Variants in ASPH observed in about 807,000 individuals in gnomAD.
ASPH encodes aspartyl/asparaginyl beta-hydroxylase.
A neutral mutation model predicts 118.4 loss-of-function variants in ASPH; 100 were observed. That is an observed-to-expected ratio of 0.84 (90% CI 0.72 to 1.00). The LOEUF (loss-of-function observed/expected upper bound fraction) is 1.00, where lower values mean the gene tolerates loss of function less well. Ranked by LOEUF, ASPH falls within the 50% of genes least tolerant of loss-of-function variation. The probability of loss-of-function intolerance (pLI) is 0.00; values close to 1 mark genes in which losing one functional copy is unlikely to be tolerated. For missense variants in ASPH, 920 were observed against 919.5 expected (o/e 1.00, Z -0.01); for synonymous variants, 315 against 325.6 (o/e 0.97, Z 0.35).
chr8:61,597,337 C>G (rs752075279), intron 14 of ASPH, among the ~76,000 whole-genome samples: 15 of 151,906 alleles, frequency 9.9e-5, no homozygotes, highest in Non-Finnish European at 1.9e-4. Flanking sequence ...GGCAACATGG[C>G]AAGACCCTGT....
At chr8:61,561,099 A>AGG (rs1829740349) in intron 18 of ASPH, among the ~76,000 whole-genome samples, 1 of 9,308 alleles carries the variant, frequency 1.1e-4, no homozygotes, top group Non-Finnish European at 3.1e-4. Context: ...AGGGAGGGAG[A>AGG]GAGGGAGGGA....
At chr8:61,631,806 G>C (rs1237831991) in intron 13 of ASPH, 1 of 152,222 alleles carries the variant, frequency 6.6e-6, no homozygotes, top group African/African-American at 2.4e-5. Context: ...GGTTCCAGCA[G>C]GGGTGCTACT....
At chr8:61,668,536 T>C (rs1820833125) in intron 3 of ASPH, among the ~76,000 whole-genome samples, 1 of 152,224 alleles carries the variant, frequency 6.6e-6, no homozygotes. Context: ...TAAGAATTGT[T>C]GGCATTAGAA....
At position 61,523,812 on chromosome 8, in the gene ASPH, G is replaced by GTATAAGCTTATACAGGTATA. The variant is rs1471181828; in HGVS notation, c.1900+2164_1900+2165insTATACCTGTATAAGCTTATA. 2.0e-3 allele frequency among the ~76,000 whole-genome samples: 312 copies of GTATAAGCTTATACAGGTATA among 152,312 alleles called. 1 individual carries two copies. Among genetic ancestry groups the GTATAAGCTTATACAGGTATA allele is most frequent in the African/African-American group, 6.7e-3 (280 of 41,570 alleles). ...TCAGTTTTAAAATTTGAAGCAGGCTGAGTGGAGTGGCTTATACCTGTAATC... is the reference window on the plus strand; with the variant it reads ...TCAGTTTTAAAATTTGAAGCAGGCTGTATAAGCTTATACAGGTATAAGTGGAGTGGCTTATACCTGTAATC... On this transcript the variant is annotated intron_variant, in intron 22 of 24. Transcript: ENST00000379454.
At chr8:61,552,704 A>G (rs1182465648) in intron 20 of ASPH, among the ~76,000 whole-genome samples, 3 of 152,168 alleles carry the variant, frequency 2.0e-5, no homozygotes, top group East Asian at 1.9e-4. Flanking sequence ...GGCAATTTCT[A>G]TCTCTCTGTA....
At chr8:61,507,904 A>G (rs1807263745) in intron 24 of ASPH, among the ~76,000 whole-genome samples, 1 of 152,172 alleles carries the variant, frequency 6.6e-6, no homozygotes, top group South Asian at 2.1e-4. Context: ...AGCCTTGTCT[A>G]AGGACCCAGA....
chr8:61,685,036 TG>T (rs1829881435), intron 1 of ASPH, among the ~76,000 whole-genome samples: 1 of 152,142 alleles, frequency 6.6e-6, no homozygotes, highest in Admixed American at 6.5e-5. Context: ...ATCAAACAGA[TG>T]ATGGAAGGCC....
At chr8:61,711,059 T>G (rs1289059755) in intron 1 of ASPH, among the ~76,000 whole-genome samples, 1 of 142,280 alleles carries the variant, frequency 7.0e-6, no homozygotes, top group African/African-American at 2.7e-5. Flanking sequence ...ATCAATAGTT[T>G]TGAGTATATA....
chr8:61,616,680 CTT>C (rs1002177590), intron 14 of ASPH, among the ~76,000 whole-genome samples: 4 of 152,196 alleles, frequency 2.6e-5, no homozygotes, highest in Admixed American at 1.3e-4. Flanking sequence ...GCCCTTCTCT[CTT>C]GTCTCAGGAC....
In ASPH at chr8:61,636,980, A is replaced by G. The variant is rs139402782; in HGVS notation, c.889+967T>C. On this transcript the variant is annotated intron_variant, in intron 12 of 24. Transcript: ENST00000379454. ...AGCAGCTAAGCGGACACAGACAGCA[A>G]TTTTAGCCTCCCCGATTCCCTTATA... Among the ~76,000 whole-genome samples the G allele has an allele frequency of 1.6e-3, 240 of 152,224 alleles. 5 individuals are homozygous for G. The East Asian group carries it at 0.045, about 29-fold the overall frequency.
rs770870454 is a variant in ASPH, at chr8:61,618,977, C to A, written c.976+1G>T. On this transcript the variant is annotated splice_donor_variant, in intron 14 of 24. Coordinates refer to ENST00000379454, the MANE Select transcript of ASPH (RefSeq NM_004318.4). LOFTEE classifies it high-confidence loss of function. Reference sequence around the variant, plus strand: ...AAAGGCTGTTTATTTGACAATCTCACCTTTTGCTTTTTGTTCTGGATCATC... The same window carrying A: ...AAAGGCTGTTTATTTGACAATCTCAACTTTTGCTTTTTGTTCTGGATCATC... 8.1e-6 allele frequency: 13 copies of A among 1,602,394 alleles called. No homozygotes were observed. The highest frequency in any genetic ancestry group is 1.1e-5 in the Non-Finnish European group (13 of 1,170,888).
At chr8:61,698,714 G>A (rs878954257) in intron 1 of ASPH, among the ~76,000 whole-genome samples, 8 of 152,238 alleles carry the variant, frequency 5.3e-5, no homozygotes, top group South Asian at 4.2e-4. Flanking sequence ...GCTGTTAGCC[G>A]CCAGTCAATT....
intron 3 of ASPH, among the ~76,000 whole-genome samples, chr8:61,669,548 C>A (rs1821368715): frequency 6.6e-6 from 1 of 152,160 alleles, no homozygotes; most frequent in Non-Finnish European, 1.5e-5. Context: ...GTGTATAACC[C>A]AGCAATAATG....
chr8:61,538,327 C>A (rs1820432341), intron 21 of ASPH, among the ~76,000 whole-genome samples: 1 of 151,968 alleles, frequency 6.6e-6, no homozygotes, highest in African/African-American at 2.4e-5. Flanking sequence ...TCATCGAAAC[C>A]CAAACAGTTT....
At chr8:61,508,768 G>C (rs540035611) in intron 24 of ASPH, among the ~76,000 whole-genome samples, 1 of 152,342 alleles carries the variant, frequency 6.6e-6, no homozygotes, top group African/African-American at 2.4e-5. Context: ...GACATTCTTA[G>C]TGTCTGTAGA....
At chr8:61,628,147 T>A (rs2150670964) in intron 13 of ASPH, among the ~76,000 whole-genome samples, 1 of 151,844 alleles carries the variant, frequency 6.6e-6, no homozygotes, top group South Asian at 2.1e-4. Flanking sequence ...TTCTTGTCAT[T>A]TTTAGGCAAA....
chr8:61,694,287 A>C (rs990097480), intron 1 of ASPH, among the ~76,000 whole-genome samples: 4 of 151,638 alleles, frequency 2.6e-5, no homozygotes, highest in Non-Finnish European at 5.9e-5. Context: ...CCCCAGCCTC[A>C]CTGCCTTTGC....
intron 3 of ASPH, chr8:61,675,992 C>A: frequency 6.4e-7 from 1 of 1,562,678 alleles, no homozygotes; most frequent in East Asian, 2.2e-5. Flanking sequence ...GCACATTAAG[C>A]CCTGCATAAG....
chr8:61,698,413 C>T lies in ASPH; in HGVS notation c.104-14225G>A, dbSNP rs140041716. Among the ~76,000 whole-genome samples, 218 of 152,348 alleles carry T rather than the reference C, an allele frequency of 1.4e-3. 1 individual carries two copies. Among genetic ancestry groups the T allele is most frequent in the African/African-American group, 4.5e-3 (186 of 41,584 alleles). The stretch of plus-strand genomic sequence containing the variant: ...GCCTTTAGGCTGAACTTGAAATAGG[C>T]AAGGAGGCAGCTTTAGGCTAAACTT... On this transcript the variant is annotated intron_variant, in intron 1 of 24. Transcript: ENST00000379454.
Sources: allele counts gnomAD v4.1 joint callset (sites outside exome capture counted in the v4.1 genomes callset), GRCh38; gene constraint gnomAD v4.1.1; transcripts MANE v1.5; gene names NCBI Gene and HGNC (gene_info 2026-07-23, HGNC 2026-07-21).